Variants in SAMM50 observed in about 807,000 individuals in gnomAD.
The protein encoded by SAMM50 is sorting and assembly machinery component 50 homolog.
SAMM50 carries 47 observed loss-of-function variants against 66.9 expected under a neutral mutation model. The ratio of observed to expected loss-of-function variants is 0.70; its 90% CI spans 0.56 to 0.90. The LOEUF is 0.90. Among genes scored for constraint, SAMM50 ranks in the 40% least tolerant of loss-of-function variants. The pLI is 0.00. For missense variants in SAMM50, 535 were observed against 595.3 expected, an observed-to-expected ratio of 0.90 and a Z score of 1.05; for synonymous variants, 191 against 214.1, an observed-to-expected ratio of 0.89 and a Z score of 0.94.
At chr22:43,969,074 C>T (rs1478223818) in intron 4 of SAMM50, among the ~76,000 whole-genome samples, 3 of 152,204 alleles carry the variant, frequency 2.0e-5, no homozygotes, top group East Asian at 1.9e-4. Flanking sequence ...CTACCTGCCT[C>T]AGCCTCCTGA....
At chr22:43,963,059 A>G in intron 1 of SAMM50, 1 of 323,372 alleles carries the variant, frequency 3.1e-6, no homozygotes. Context: ...TAGTTTTTAT[A>G]TTTTATTTAG....
At chr22:43,973,370 G>A (rs1177487781) in intron 7 of SAMM50, 47 bp downstream of exon 7, 1 of 1,225,822 alleles carries the variant, frequency 8.2e-7, no homozygotes, top group Non-Finnish European at 1.2e-6. Context: ...GGAAAACAGG[G>A]TGGCTTTTTC....
At chr22:43,981,623 C>T (rs567442116) in intron 11 of SAMM50, among the ~76,000 whole-genome samples, 162 bp downstream of exon 11, 1 of 152,210 alleles carries the variant, frequency 6.6e-6, no homozygotes, top group East Asian at 1.9e-4. Flanking sequence ...ATCGGGTATA[C>T]CTCACACTTA....
rs200502238 is a variant in SAMM50, at chr22:43,973,295, C to T, written c.620C>T (p.Thr207Met). 9.1e-5 allele frequency: 146 copies of T among 1,605,050 alleles called. No homozygotes were observed. The highest frequency in any genetic ancestry group is 8.5e-4 in the East Asian group (38 of 44,860). The stretch of plus-strand genomic sequence containing the variant: ...TTCCCTTGGAGCTCACTGCGGGAGA[C>T]GGACAGAGGAATGTCAGCTGAGTAC... The part of the protein sequence containing the change: ...GQFPWSSLRE[T>M]DRGMSAEYSF... The change falls in exon 7 of 15, where the codon ACG (threonine) becomes ATG (methionine). Residue 207 changes from threonine to methionine, a missense_variant. Transcript: ENST00000350028.
chr22:43,984,440 G>A (rs966384485), intron 12 of SAMM50, among the ~76,000 whole-genome samples: 3 of 151,180 alleles, frequency 2.0e-5, no homozygotes, highest in Admixed American at 2.0e-4. Context: ...AGCCTCCCAA[G>A]TAGCTGGGAT....
chr22:43,976,868 C>T, intron 9 of SAMM50, 47 bp downstream of exon 9: 3 of 1,027,854 alleles, frequency 2.9e-6, no homozygotes, highest in South Asian at 2.7e-5. Context: ...GGGAGCCAAA[C>T]TTTGGACAGT....
Position 43,973,357 on chromosome 22 carries a change from G to A in SAMM50, c.648+34G>A, listed in dbSNP as rs77442627. 4,069 of 1,331,142 alleles carry A rather than the reference G, an allele frequency of 3.1e-3. 111 individuals are homozygous for A. The African/African-American group carries it at 0.052, about 17-fold the overall frequency. The allele number at this position is 1,331,142 out of a possible 1,614,324, so 82.5% of individuals were successfully genotyped here. A position where few individuals can be genotyped will look rare whatever the true frequency, so the allele number is the denominator to read the frequency against. ...CATTTCAGTCCTTCCCTCTGGGCTT[G>A]GGGGAAAACAGGGTGGCTTTTTCAC... is the stretch of plus-strand genomic sequence containing the variant. On this transcript the variant is annotated intron_variant, in intron 7 of 14. Transcript: ENST00000350028.
chr22:43,983,613 G>A lies in SAMM50; in HGVS notation c.1008-320G>A, dbSNP rs192754247. Among the ~76,000 whole-genome samples the A allele has an allele frequency of 1.6e-4, 25 of 152,260 alleles. No individual in the cohort carries two copies. Among genetic ancestry groups the A allele is most frequent in the African/African-American group, 2.4e-5 (1 of 41,552 alleles). On this transcript the variant is annotated intron_variant, in intron 11 of 14. Transcript: ENST00000350028. The surrounding 1 kb of genome is among the most constrained non-coding windows in gnomAD (Gnocchi z 4.2). ...GAGGCCCGCCATGAAAAGGAACTGC[G>A]TCATGAATTCTCACAGACAGCTGAT...
In SAMM50 at chr22:43,989,190, T is replaced by C. The variant is rs1428226818; in HGVS notation, c.1155T>C (p.Gly385=). ...CATTACCTTTCCGGCCAGGCCAGGG[T>C]GGCTTTGGAGAACTTTTCCGAACAC... ...YTPLPFRPGQ[G]GFGELFRTHF... Residue 385 remains glycine, a synonymous_variant, in exon 13 of 15, where the codon GGT becomes GGC. Coordinates refer to ENST00000350028, the MANE Select transcript of SAMM50 (RefSeq NM_015380.5). The C allele has an allele frequency of 6.2e-7, 1 of 1,614,184 alleles. No individual in the cohort carries two copies. The highest frequency in any genetic ancestry group is 8.5e-7 in the Non-Finnish European group (1 of 1,180,030).
chr22:43,977,156 A>G (rs764395709), intron 9 of SAMM50, among the ~76,000 whole-genome samples: 2 of 152,186 alleles, frequency 1.3e-5, no homozygotes, highest in Non-Finnish European at 2.9e-5. Context: ...TCACCCCTCA[A>G]TGGCTGCAGG....
chr22:43,975,918 C>T, intron 7 of SAMM50, 137 bp from the exon 8 acceptor site: 1 of 841,484 alleles, frequency 1.2e-6, no homozygotes, highest in Non-Finnish European at 1.8e-6. Context: ...CTCTTCTTCC[C>T]CTTCTCCCTC....
At position 43,972,902 on chromosome 22, in the gene SAMM50, G is replaced by A; in HGVS notation, c.461G>A (p.Gly154Asp). The A allele has an allele frequency of 6.2e-7, 1 of 1,600,084 alleles. No individual in the cohort carries two copies. The highest frequency in any genetic ancestry group is 8.5e-7 in the Non-Finnish European group (1 of 1,176,874). ...GGCCTCAAGCTTCCTAATCTTCTTG[G>A]TCGTGCAGAAAAGGTGACCTTTCAG... ...VLGLKLPNLL[G>D]RAEKVTFQFS... Residue 154 changes from glycine (G) to aspartate (D), a missense_variant, in exon 6 of 15, where the codon GGT becomes GAT. Gly to Asp is a moderately conservative substitution (Grantham distance 94). Coordinates refer to ENST00000350028, the MANE Select transcript of SAMM50 (RefSeq NM_015380.5).
At chr22:43,995,938 G>A (rs775691032) in intron 14 of SAMM50, among the ~76,000 whole-genome samples, 2 of 152,052 alleles carry the variant, frequency 1.3e-5, no homozygotes, top group African/African-American at 2.4e-5. Flanking sequence ...GGGGCCGGGC[G>A]GACCTTAAGT....
intron 14 of SAMM50, among the ~76,000 whole-genome samples, chr22:43,992,942 AC>A (rs1409602919): frequency 3.9e-5 from 6 of 152,156 alleles, no homozygotes; most frequent in Non-Finnish European, 5.9e-5. Flanking sequence ...AAAAGTGGGC[AC>A]CTTTTTCCAG....
chr22:43,996,202 C>T (rs917497551), intron 14 of SAMM50, 136 bp from the exon 15 acceptor site: 12 of 941,926 alleles, frequency 1.3e-5, no homozygotes, highest in South Asian at 9.6e-5. Context: ...AGGGTGAGGC[C>T]GGCAGCCAGG....
chr22:43,977,406 C>T (rs942734925), intron 9 of SAMM50, among the ~76,000 whole-genome samples: 5 of 152,190 alleles, frequency 3.3e-5, no homozygotes, highest in African/African-American at 7.2e-5. Context: ...GAGGCTTCCC[C>T]GAGCAGCTAC....
intron 12 of SAMM50, among the ~76,000 whole-genome samples, chr22:43,984,820 C>T (rs1487519436): frequency 6.7e-6 from 1 of 148,472 alleles, no homozygotes; most frequent in Non-Finnish European, 1.5e-5. Flanking sequence ...TTAGTAGAGA[C>T]GGGGTTTCAT....
intron 1 of SAMM50, 42 bp from the exon 2 acceptor site, chr22:43,963,244 T>A: frequency 8.0e-7 from 1 of 1,254,022 alleles, no homozygotes. Context: ...TGTGTATATA[T>A]GTGACAAAGT....
chr22:43,994,992 G>C (rs997677524), intron 14 of SAMM50, among the ~76,000 whole-genome samples: 1 of 152,076 alleles, frequency 6.6e-6, no homozygotes. Flanking sequence ...TCTAAGTAGC[G>C]AATGTAGGTA....
Sources: gnomAD v4.1 joint callset for allele counts (sites outside exome capture counted in the v4.1 genomes callset) on GRCh38, gnomAD v4.1.1 for gene constraint, Gnocchi (gnomAD v3.1) non-coding constraint, MANE v1.5 for transcripts, NCBI Gene and HGNC (gene_info 2026-07-23, HGNC 2026-07-21) for gene names.